DMRT1: variants seen among roughly 807,000 people sequenced by gnomAD.
The protein encoded by DMRT1 is doublesex and mab-3 related transcription factor 1.
DMRT1 carries 7 observed loss-of-function variants against 32.3 expected under a neutral mutation model. That is an observed-to-expected ratio of 0.22 (90% CI 0.12 to 0.41). DMRT1 has a LOEUF of 0.41. DMRT1 is among the 10% of genes least tolerant of loss of function. The pLI is 1.00. For missense variants in DMRT1, 625 were observed against 500.5 expected, an observed-to-expected ratio of 1.25 and a Z score of -2.37; for synonymous variants, 278 against 206.1, an observed-to-expected ratio of 1.35 and a Z score of -2.99.
At chr9:948,231 C>A (rs958305621) in intron 4 of DMRT1, among the ~76,000 whole-genome samples, 1 of 152,080 alleles carries the variant, frequency 6.6e-6, no homozygotes, top group Non-Finnish European at 1.5e-5. Context: ...CCTGCTCAGG[C>A]CCGCCCCTCC....
intron 2 of DMRT1, among the ~76,000 whole-genome samples, chr9:870,403 A>AAACTAACAAC (rs77281108): frequency 0.27 from 40,978 of 151,128 alleles, 6,798 homozygotes; most frequent in Non-Finnish European, 0.37. Context: ...CTGTCTCAAA[A>AAACTAACAAC]AACAACAACA....
In DMRT1 at chr9:948,516, T is replaced by G. The variant is rs538139856; in HGVS notation, c.968-19469T>G. On this transcript the variant is annotated intron_variant, in intron 4 of 4. Coordinates refer to ENST00000382276, the MANE Select transcript of DMRT1 (RefSeq NM_021951.3). ...AGAGTCTGTGGAAGTCAGTATCCTC[T>G]CCACAGCCTGTTGGAAGCCTCTCTG... Among the ~76,000 whole-genome samples, 108 of 152,154 alleles carry G rather than the reference T, an allele frequency of 7.1e-4. 2 individuals are homozygous for G. Among genetic ancestry groups the G allele is most frequent in the African/African-American group, 2.5e-3 (102 of 41,504 alleles).
chr9:925,953 G>T (rs938705671), intron 4 of DMRT1, among the ~76,000 whole-genome samples: 1 of 152,178 alleles, frequency 6.6e-6, no homozygotes, highest in Non-Finnish European at 1.5e-5. Context: ...GGAAATGGTG[G>T]CTGTGATTGG....
At chr9:859,910 T>C (rs915866452) in intron 2 of DMRT1, among the ~76,000 whole-genome samples, 1 of 152,230 alleles carries the variant, frequency 6.6e-6, no homozygotes, top group Non-Finnish European at 1.5e-5. Context: ...CCATTCAGCA[T>C]ATAGTAACAG....
intron 2 of DMRT1, among the ~76,000 whole-genome samples, chr9:868,430 C>G (rs1446674148): frequency 6.6e-6 from 1 of 152,158 alleles, no homozygotes; most frequent in Non-Finnish European, 1.5e-5. Context: ...TCACAGAATT[C>G]TTCACTACTT....
intron 3 of DMRT1, among the ~76,000 whole-genome samples, chr9:895,925 C>T (rs573089238): frequency 6.6e-6 from 1 of 151,926 alleles, no homozygotes; most frequent in South Asian, 2.1e-4. Context: ...CTGCCTCAGC[C>T]TCCCGAGTAG....
At chr9:866,224 G>A (rs1351799950) in intron 2 of DMRT1, among the ~76,000 whole-genome samples, 7 of 147,946 alleles carry the variant, frequency 4.7e-5, no homozygotes, top group South Asian at 2.2e-4. Flanking sequence ...CAAATACTCA[G>A]GACTCTGAGA....
intron 4 of DMRT1, among the ~76,000 whole-genome samples, chr9:937,274 T>A (rs1457374687): frequency 6.6e-6 from 1 of 152,252 alleles, no homozygotes; most frequent in Non-Finnish European, 1.5e-5. Context: ...TTTCCACCCT[T>A]TGGCTACTGT....
intron 4 of DMRT1, among the ~76,000 whole-genome samples, chr9:963,654 G>A (rs1420260777): frequency 1.3e-5 from 2 of 152,168 alleles, no homozygotes; most frequent in Admixed American, 6.5e-5. Context: ...CTATTTGAAA[G>A]TACAAACTGA....
intron 2 of DMRT1, among the ~76,000 whole-genome samples, chr9:852,703 G>A (rs1815207028): frequency 6.6e-6 from 1 of 152,114 alleles, no homozygotes; most frequent in Non-Finnish European, 1.5e-5. Context: ...TTGGAGCACC[G>A]GGGACTTCCA....
chr9:964,236 A>G (rs1168769217), intron 4 of DMRT1, among the ~76,000 whole-genome samples: 1 of 152,090 alleles, frequency 6.6e-6, no homozygotes, highest in South Asian at 2.1e-4. Flanking sequence ...GACAGTATAA[A>G]TATTTTTCAA....
intron 2 of DMRT1, among the ~76,000 whole-genome samples, chr9:890,008 A>C (rs142941875): frequency 5.9e-5 from 9 of 152,140 alleles, no homozygotes; most frequent in African/African-American, 2.2e-4. Context: ...GGCTTTTGTA[A>C]TCAGATAAAC....
At chr9:894,309 A>G (rs927887933) in intron 3 of DMRT1, 114 bp downstream of exon 3, 6 of 1,104,836 alleles carry the variant, frequency 5.4e-6, no homozygotes, top group African/African-American at 1.5e-5. Flanking sequence ...AGAGGCACAC[A>G]CAGGTGACAC....
At chr9:882,283 G>T (rs774445119) in intron 2 of DMRT1, among the ~76,000 whole-genome samples, 1 of 152,154 alleles carries the variant, frequency 6.6e-6, no homozygotes, top group Non-Finnish European at 1.5e-5. Context: ...GCATACCACT[G>T]TGCCAGGAGC....
At chr9:949,072 A>C (rs1399101426) in intron 4 of DMRT1, among the ~76,000 whole-genome samples, 1 of 151,966 alleles carries the variant, frequency 6.6e-6, no homozygotes, top group African/African-American at 2.4e-5. Flanking sequence ...CAGCCTGAGC[A>C]ACAGAGTGAG....
rs566268228 is a variant in DMRT1 at position 911,772 on chromosome 9, G to A, written c.823-4991G>A. On this transcript the variant is annotated intron_variant, in intron 3 of 4. Coordinates refer to ENST00000382276, the MANE Select transcript of DMRT1 (RefSeq NM_021951.3). ...CTTCCAAAATGTTGGGACTGCAGGC[G>A]TGAGCCACCGCGCCCATCCATGAAT... is the stretch of plus-strand genomic sequence containing the variant. Among the ~76,000 whole-genome samples, 9 of 152,270 alleles carry A rather than the reference G, an allele frequency of 5.9e-5. No individual in the cohort carries two copies. The South Asian group carries it at 1.0e-3, about 18-fold the overall frequency.
At chr9:898,611 C>A (rs990107924) in intron 3 of DMRT1, among the ~76,000 whole-genome samples, 2 of 152,148 alleles carry the variant, frequency 1.3e-5, no homozygotes, top group Admixed American at 6.5e-5. Context: ...TTTCTGTCTT[C>A]TTTGTAGAAG....
chr9:903,873 T>A (rs1381138156), intron 3 of DMRT1, among the ~76,000 whole-genome samples: 3 of 152,028 alleles, frequency 2.0e-5, no homozygotes, highest in Non-Finnish European at 2.9e-5. Context: ...TCCAGTAGCA[T>A]CCCAGGAAGC....
rs372449658 is a variant in DMRT1 at position 862,321 on chromosome 9, G to A, written c.538+15178G>A. On this transcript the variant is annotated intron_variant, in intron 2 of 4. Transcript: ENST00000382276. ...TGGAGACCAGCCCCGCCAACACGGC[G>A]AAACCCCGTCTCCACCGAAAAATAG... Among the ~76,000 whole-genome samples the A allele has an allele frequency of 1.3e-4, 20 of 152,164 alleles. 1 individual carries two copies. The East Asian group carries it at 1.7e-3, about 13-fold the overall frequency.
Sources: allele counts gnomAD v4.1 joint callset (sites outside exome capture counted in the v4.1 genomes callset), GRCh38; gene constraint gnomAD v4.1.1; transcripts MANE v1.5; gene names NCBI Gene and HGNC (gene_info 2026-07-23, HGNC 2026-07-21).